Variants in IRS2 observed in about 807,000 individuals in gnomAD.
IRS2 encodes insulin receptor substrate 2.
In IRS2, 28 loss-of-function variants were observed where a neutral mutation model predicts 70.9. That is an observed-to-expected ratio of 0.39 (90% CI 0.29 to 0.54). The LOEUF (loss-of-function observed/expected upper bound fraction) is 0.54, where lower values mean the gene tolerates loss of function less well. IRS2 is among the 20% of genes least tolerant of loss of function. The pLI is 0.59. For synonymous variants in IRS2, 1,217 were observed against 981.9 expected (o/e 1.24, Z -4.48); for missense variants, 2,081 against 2,024.1 (o/e 1.03, Z -0.54).
intron 1 of IRS2, among the ~76,000 whole-genome samples, chr13:109,760,301 G>C (rs1415115469): frequency 6.6e-6 from 1 of 152,214 alleles, no homozygotes; most frequent in African/African-American, 2.4e-5. Flanking sequence ...TGTTGCTCAT[G>C]AACACAATGA....
In IRS2 at chr13:109,768,714, C is replaced by CTT. The variant is rs1216935551; in HGVS notation, c.4013-12408_4013-12407dup. 4.4e-3 allele frequency among the ~76,000 whole-genome samples: 653 copies of CTT among 147,388 alleles called. 2 individuals are homozygous for CTT. The highest frequency in any genetic ancestry group is 0.014 in the African/African-American group (585 of 40,438). On this transcript the variant is annotated intron_variant, in intron 1 of 1. Coordinates refer to ENST00000375856, the MANE Select transcript of IRS2 (RefSeq NM_003749.3). ...AGTCTGTCAGAGGGAAAGACCTTGT[C>CTT]TTTTTTTTTTTAAATGACGGCTGTG...
At position 109,782,183 on chromosome 13, in the gene IRS2, C is replaced by G; in HGVS notation, c.3871G>C (p.Gly1291Arg). Reference protein sequence around the residue: ...KSSWGRTRSLGGLISAVGVGS... With the variant: ...KSSWGRTRSLRGLISAVGVGS... ...ACGCCCACAGCGCTGATGAGACCCC[C>G]GAGGCTTCGGGTCCGGCCCCAGGAG... Residue 1291 changes from glycine (G) to arginine (R), a missense_variant, in exon 1 of 2, where the codon GGG becomes CGG. Physicochemically the swap from Gly to Arg is moderately radical, Grantham distance 125. This residue lies in a region of IRS2 where 1,615 missense variants were observed against 1,459.5 expected (regional missense o/e 1.11). Coordinates refer to ENST00000375856, the MANE Select transcript of IRS2 (RefSeq NM_003749.3). The G allele has an allele frequency of 4.4e-6, 7 of 1,605,734 alleles. No individual in the cohort carries two copies. Among genetic ancestry groups the G allele is most frequent in the Non-Finnish European group, 6.0e-6 (7 of 1,176,390 alleles).
At chr13:109,770,240 G>A (rs978391342) in intron 1 of IRS2, among the ~76,000 whole-genome samples, 2 of 152,216 alleles carry the variant, frequency 1.3e-5, no homozygotes, top group African/African-American at 4.8e-5. Context: ...TAGAAAGAAT[G>A]TGATCAATAC....
At position 109,783,287 on chromosome 13, in the gene IRS2, C is replaced by A; in HGVS notation, c.2767G>T (p.Asp923Tyr). Residue 923 changes from aspartate (D) to tyrosine (Y), a missense_variant, in exon 1 of 2, where the codon GAC becomes TAC. Asp to Tyr is a radical substitution (Grantham distance 160). Coordinates refer to ENST00000375856, the MANE Select transcript of IRS2 (RefSeq NM_003749.3). ...AGGCGGGCCCCGGGCTCGCCAAAGT[C>A]GATGTTGATGTACTCGCCGGGGCTC... ...PKSPGEYINI[D>Y]FGEPGARLSP... The A allele has an allele frequency of 6.6e-7, 1 of 1,508,312 alleles. No homozygotes were observed. The highest frequency in any genetic ancestry group is 1.2e-5 in the South Asian group (1 of 80,266). 93.4% of individuals were successfully genotyped at this position (1,508,312 alleles called of 1,614,324 possible).
chr13:109,761,373 T>C (rs1877221849), intron 1 of IRS2, among the ~76,000 whole-genome samples: 1 of 152,256 alleles, frequency 6.6e-6, no homozygotes, highest in African/African-American at 2.4e-5. Context: ...AAAATTTGTA[T>C]TTCTAGTAGC....
chr13:109,775,014 C>A (rs1235922351), intron 1 of IRS2, among the ~76,000 whole-genome samples: 1 of 151,792 alleles, frequency 6.6e-6, no homozygotes, highest in Non-Finnish European at 1.5e-5. Flanking sequence ...ACTTTGGAGG[C>A]CAAAGATTGA....
intron 1 of IRS2, among the ~76,000 whole-genome samples, chr13:109,770,026 A>G (rs1383836320): frequency 3.9e-5 from 6 of 152,024 alleles, no homozygotes; most frequent in African/African-American, 1.4e-4. Flanking sequence ...ATGGGAGGAG[A>G]CTCATCTGTG....
intron 1 of IRS2, among the ~76,000 whole-genome samples, chr13:109,758,843 AAAAG>A (rs1281644389): frequency 6.6e-6 from 1 of 151,238 alleles, no homozygotes; most frequent in African/African-American, 2.4e-5. Context: ...AAAAAAAAAA[AAAAG>A]AAGGAAAGGG....
Position 109,784,093 on chromosome 13 carries a change from A to G in IRS2, c.1961T>C (p.Met654Thr). Reference protein sequence around the residue: ...SSNLGADDGYMPMTPGAALAG... With the variant: ...SSNLGADDGYTPMTPGAALAG... The stretch of plus-strand genomic sequence containing the variant: ...GAGGGCCGCGCCGGGCGTCATGGGC[A>G]TGTAGCCGTCGTCTGCCCCCAGGTT... The change falls in exon 1 of 2, where the codon ATG becomes ACG. Residue 654 changes from methionine (M) to threonine (T), a missense_variant. Physicochemically the swap from Met to Thr is moderately conservative, Grantham distance 81 (BLOSUM62 -1). This residue lies in a region of IRS2 where 1,615 missense variants were observed against 1,459.5 expected (regional missense o/e 1.11). Transcript: ENST00000375856. The surrounding 1 kb of genome is among the most constrained non-coding windows in gnomAD (Gnocchi z 5.2). 6.3e-7 allele frequency: 1 copy of G among 1,590,842 alleles called. No homozygotes were observed. Among genetic ancestry groups the G allele is most frequent in the South Asian group, 1.1e-5 (1 of 89,412 alleles).
At position 109,755,214 on chromosome 13, in the gene IRS2, C is replaced by CTTTTTTTTTTTTTTCTTT. The variant is rs375324802; in HGVS notation, c.*1089_*1090insAAAGAAAAAAAAAAAAAA. 2.6e-5 allele frequency: 5 copies of CTTTTTTTTTTTTTTCTTT among 194,016 alleles called. No homozygotes were observed. The highest frequency in any genetic ancestry group is 8.0e-5 in the East Asian group (1 of 12,478). 12.0% of individuals were successfully genotyped at this position (194,016 alleles called of 1,614,324 possible). ...CTCTTTTTATCAGTTTCTTTCTTTC[C>CTTTTTTTTTTTTTTCTTT]TTTTTTTTTTTTCTTTTTGTTTTTT... On this transcript the variant is annotated 3_prime_UTR_variant, in exon 2 of 2. Transcript: ENST00000375856.
At chr13:109,756,805 T>C (rs1297336884) in intron 1 of IRS2, among the ~76,000 whole-genome samples, 2 of 152,172 alleles carry the variant, frequency 1.3e-5, no homozygotes, top group African/African-American at 4.8e-5. Flanking sequence ...ATTCTACAAA[T>C]GTGCATTATG....
rs1877883102 is a variant in IRS2 at position 109,785,268 on chromosome 13, C to T, written c.786G>A (p.Ser262=). 6.2e-7 allele frequency: 1 copy of T among 1,607,180 alleles called. No individual in the cohort carries two copies. The highest frequency in any genetic ancestry group is 1.3e-5 in the African/African-American group (1 of 74,858). The part of the protein sequence containing the change: ...DSFFFIEVGR[S]AVTGPGELWM... ...ACAGCTCGCCGGGGCCTGTGACGGC[C>T]GAGCGGCCCACCTCGATGAAGAAGA... Residue 262 remains serine, a synonymous_variant, in exon 1 of 2, where the codon TCG becomes TCA. Transcript: ENST00000375856. This position sits in a 1 kb window ranked among gnomAD's most constrained non-coding sequence, Gnocchi z 9.3.
intron 1 of IRS2, among the ~76,000 whole-genome samples, chr13:109,758,923 A>G (rs918820605): frequency 6.7e-6 from 1 of 150,066 alleles, no homozygotes; most frequent in South Asian, 2.1e-4. Context: ...AGAAAAAAAA[A>G]GAAGGAGGGA....
At chr13:109,761,578 T>A (rs1877227547) in intron 1 of IRS2, among the ~76,000 whole-genome samples, 1 of 137,000 alleles carries the variant, frequency 7.3e-6, no homozygotes, top group African/African-American at 2.6e-5. Context: ...AGCAAGACAC[T>A]CTAAGAACAT....
At position 109,784,668 on chromosome 13, in the gene IRS2, C is replaced by T. The variant is rs1877856696; in HGVS notation, c.1386G>A (p.Pro462=). 3.2e-6 allele frequency: 4 copies of T among 1,244,030 alleles called. No homozygotes were observed. In the African/African-American group the frequency reaches 4.7e-5, roughly 15 times the overall value. 77.1% of individuals were successfully genotyped at this position (1,244,030 alleles called of 1,614,324 possible). ...SGHGSGSYPP[P]PGPHPPLPHP... ...GCGGCAGAGGCGGGTGCGGGCCGGG[C>T]GGCGGCGGGTAGGAGCCCGAGCCGT... The change falls in exon 1 of 2, where the codon CCG becomes CCA. Residue 462 remains proline (P), a synonymous_variant. Transcript: ENST00000375856. This position sits in a 1 kb window ranked among gnomAD's most constrained non-coding sequence, Gnocchi z 5.2.
intron 1 of IRS2, among the ~76,000 whole-genome samples, chr13:109,763,965 C>G (rs1877281440): frequency 6.6e-6 from 1 of 152,284 alleles, no homozygotes; most frequent in Non-Finnish European, 1.5e-5. Flanking sequence ...TCTATAACAT[C>G]TATGTGATAT....
rs2138931391 is a variant in IRS2, at chr13:109,782,998, G to A, written c.3056C>T (p.Pro1019Leu). 2.9e-6 allele frequency: 4 copies of A among 1,368,440 alleles called. No individual in the cohort carries two copies. The highest frequency in any genetic ancestry group is 2.8e-6 in the Non-Finnish European group (3 of 1,065,310). 84.8% of individuals were successfully genotyped at this position (1,368,440 alleles called of 1,614,324 possible). Residue 1019 changes from proline to leucine, a missense_variant, in exon 1 of 2, where the codon CCG (proline) becomes CTG (leucine). Coordinates refer to ENST00000375856, the MANE Select transcript of IRS2 (RefSeq NM_003749.3). ...CGACGACGGGGACGCGGACGGACGC[G>A]GGGGCAACGGCGGATACGGGGAGGA... ...EASSPYPPLP[P>L]RPSASPSSSL...
chr13:109,785,391 C>A lies in IRS2; in HGVS notation c.663G>T (p.Leu221=), dbSNP rs778019157. The A allele has an allele frequency of 1.2e-5, 20 of 1,612,516 alleles. 1 individual carries two copies. The East Asian group carries it at 1.3e-4, about 11-fold the overall frequency. Residue 221 remains leucine (L), a synonymous_variant, in exon 1 of 2, where the codon CTG becomes CTT. Transcript: ENST00000375856. This position sits in a 1 kb window ranked among gnomAD's most constrained non-coding sequence, Gnocchi z 9.3. ...TCACGAAGCCGATGGTGCGCGCAGA[C>A]AGGCACAGACGGTACACCCCCGTCA... ...KNLTGVYRLC[L]SARTIGFVKL...
chr13:109,776,874 G>GA (rs1377565771), intron 1 of IRS2, among the ~76,000 whole-genome samples: 7 of 152,282 alleles, frequency 4.6e-5, no homozygotes, highest in Admixed American at 1.3e-4. Flanking sequence ...ACTAAATATA[G>GA]AAAGAGTGTC....
Sources: gnomAD v4.1 joint callset for allele counts (sites outside exome capture counted in the v4.1 genomes callset) on GRCh38, gnomAD v4.1.1 for gene constraint, gnomAD v4.1.1 regional missense constraint, Gnocchi (gnomAD v3.1) non-coding constraint, MANE v1.5 for transcripts, NCBI Gene and HGNC (gene_info 2026-07-23, HGNC 2026-07-21) for gene names.